Variants in LRP1B observed in about 807,000 individuals in gnomAD.
LRP1B encodes the protein LDL receptor related protein 1B.
Under a neutral mutation model 556.6 loss-of-function variants are expected in LRP1B, and 217 were observed. The ratio of observed to expected loss-of-function variants is 0.39; its 90% confidence interval spans 0.35 to 0.44. The LOEUF is 0.44. LRP1B is among the 20% of genes least tolerant of loss of function. LRP1B has a pLI of 1.00. For missense variants in LRP1B, 5,053 were observed against 5,620.8 expected (o/e 0.90, Z 3.23); for synonymous variants, 2,047 against 1,865.8 (o/e 1.10, Z -2.50).
At position 140,541,780 on chromosome 2, in the gene LRP1B, G is replaced by A. The variant is rs201436177; in HGVS notation, c.7386C>T (p.Ser2462=). ...GIIAVANDTN[S]CELSPCALLN... is the part of the protein sequence containing the mutation. The stretch of plus-strand genomic sequence containing the variant: ...CATTTGCTTTCTATTATAACTTACA[G>A]CTATTGGTGTCATTGGCAACAGCTA... The change falls in exon 44 of 91, where the codon AGC becomes AGT. Residue 2462 remains serine, a splice_region_variant and synonymous_variant. Coordinates refer to ENST00000389484, the MANE Select transcript of LRP1B (RefSeq NM_018557.3). The A allele has an allele frequency of 1.3e-4, 211 of 1,608,684 alleles. 2 individuals carry two copies. In the East Asian group the frequency reaches 4.6e-3, roughly 35 times the overall value.
At chr2:141,799,575 C>CTCGATAAGTCCCTTATCGAGGG (rs1388389645) in intron 2 of LRP1B, among the ~76,000 whole-genome samples, 37 of 152,182 alleles carry the variant, frequency 2.4e-4, no homozygotes, top group Admixed American at 2.4e-3. Context: ...GATTCTTCCT[C>CTCGATAAGTCCCTTATCGAGGG]ACACCCTCTC....
At chr2:140,598,252 TTC>T (rs1458747580) in intron 43 of LRP1B, among the ~76,000 whole-genome samples, 1 of 152,228 alleles carries the variant, frequency 6.6e-6, no homozygotes, top group Non-Finnish European at 1.5e-5. Flanking sequence ...TTTCATTCTT[TTC>T]TAATTTTCTT....
chr2:140,837,012 A>G (rs1033801559), intron 31 of LRP1B, among the ~76,000 whole-genome samples: 1 of 152,214 alleles, frequency 6.6e-6, no homozygotes, highest in Non-Finnish European at 1.5e-5. Flanking sequence ...CTACATTGCT[A>G]CGGAATCTAT....
chr2:140,356,578 T>C, intron 74 of LRP1B, 102 bp from the exon 75 acceptor site: 1 of 756,134 alleles, frequency 1.3e-6, no homozygotes, highest in East Asian at 2.7e-5. Context: ...ATTCCACAGA[T>C]AACTCTTTTT....
At chr2:141,785,727 TC>T (rs1270120915) in intron 2 of LRP1B, among the ~76,000 whole-genome samples, 1 of 151,204 alleles carries the variant, frequency 6.6e-6, no homozygotes, top group African/African-American at 2.4e-5. Context: ...TATAGTTCTT[TC>T]TATTCTTGGA....
chr2:140,333,524 A>T (rs527744059), intron 79 of LRP1B, among the ~76,000 whole-genome samples: 2 of 152,208 alleles, frequency 1.3e-5, no homozygotes, highest in East Asian at 3.9e-4. Flanking sequence ...GCTTCTCCCC[A>T]TAAAGAGTAA....
chr2:141,212,416 C>T (rs1682602189), intron 6 of LRP1B, among the ~76,000 whole-genome samples: 1 of 150,154 alleles, frequency 6.7e-6, no homozygotes, highest in Non-Finnish European at 1.5e-5. Context: ...GTAGCTGGGA[C>T]TACAGGCTTC....
intron 2 of LRP1B, among the ~76,000 whole-genome samples, chr2:141,556,257 C>A (rs554018857): frequency 6.6e-5 from 10 of 151,986 alleles, no homozygotes; most frequent in African/African-American, 2.2e-4. Flanking sequence ...CATTGAAGCA[C>A]TGACACTGAA....
chr2:140,539,855 T>G lies in LRP1B; in HGVS notation c.7513+1118A>C, dbSNP rs78892363. 3.7e-3 allele frequency among the ~76,000 whole-genome samples: 558 copies of G among 152,284 alleles called. 7 individuals carry two copies. Among genetic ancestry groups the G allele is most frequent in the East Asian group, 0.034 (176 of 5,178 alleles). ...GGAAATTGGCCATCTGCATTTAAAA[T>G]TTTGACCAATTGCATCATTTTCTCA... On this transcript the variant is annotated intron_variant, in intron 45 of 90. Coordinates refer to ENST00000389484, the MANE Select transcript of LRP1B (RefSeq NM_018557.3).
intron 7 of LRP1B, among the ~76,000 whole-genome samples, chr2:141,164,757 A>G (rs1443367732): frequency 1.3e-5 from 2 of 152,072 alleles, no homozygotes; most frequent in African/African-American, 2.4e-5. Context: ...GTTCCATTGG[A>G]CAGAAAATAA....
chr2:140,785,030 T>C (rs189583255), intron 32 of LRP1B, among the ~76,000 whole-genome samples: 1 of 151,928 alleles, frequency 6.6e-6, no homozygotes, highest in Non-Finnish European at 1.5e-5. Context: ...AATGCCAGAA[T>C]AAAGAGAGAA....
chr2:142,128,364 T>C (rs549617573), intron 1 of LRP1B, among the ~76,000 whole-genome samples: 1 of 152,330 alleles, frequency 6.6e-6, no homozygotes, highest in South Asian at 2.1e-4. Flanking sequence ...AACGCATCTG[T>C]ATAATTCACA....
At chr2:141,167,333 G>A (rs1039077775) in intron 7 of LRP1B, 2 of 151,906 alleles carry the variant, frequency 1.3e-5, no homozygotes, top group African/African-American at 4.8e-5. Context: ...TCCAGTTTTA[G>A]TATATATGTG....
chr2:141,379,806 T>C (rs1317044726), intron 3 of LRP1B, among the ~76,000 whole-genome samples: 1 of 152,012 alleles, frequency 6.6e-6, no homozygotes, highest in Non-Finnish European at 1.5e-5. Flanking sequence ...CTGCCACAGC[T>C]TTTCCCCCTA....
At chr2:141,525,695 C>A (rs1684673278) in intron 2 of LRP1B, among the ~76,000 whole-genome samples, 1 of 151,944 alleles carries the variant, frequency 6.6e-6, no homozygotes, top group Admixed American at 6.6e-5. Flanking sequence ...CATACTAAGT[C>A]ATTTCACTGG....
chr2:141,133,102 G>C (rs979033887), intron 7 of LRP1B, among the ~76,000 whole-genome samples: 1 of 151,878 alleles, frequency 6.6e-6, no homozygotes, highest in Non-Finnish European at 1.5e-5. Flanking sequence ...CTTTGAACCC[G>C]ACTGAGAATG....
intron 7 of LRP1B, among the ~76,000 whole-genome samples, chr2:141,152,440 T>C (rs1574130142): frequency 6.6e-6 from 1 of 151,936 alleles, no homozygotes; most frequent in East Asian, 1.9e-4. Flanking sequence ...TTATTCCAAA[T>C]GAACAACTCC....
chr2:140,982,745 T>A (rs961877347), intron 17 of LRP1B, among the ~76,000 whole-genome samples: 2 of 152,194 alleles, frequency 1.3e-5, no homozygotes, highest in African/African-American at 4.8e-5. Flanking sequence ...TGGGGTCGAA[T>A]TGTCCTATTC....
chr2:141,720,402 A>G (rs924895461), intron 2 of LRP1B, among the ~76,000 whole-genome samples: 2 of 152,106 alleles, frequency 1.3e-5, no homozygotes, highest in African/African-American at 4.8e-5. Context: ...TAACATTTTC[A>G]ATATTACTTT....
Sources: allele counts gnomAD v4.1 joint callset (sites outside exome capture counted in the v4.1 genomes callset), GRCh38; gene constraint gnomAD v4.1.1; transcripts MANE v1.5; gene names NCBI Gene and HGNC (gene_info 2026-07-23, HGNC 2026-07-21).